Variants in PPIL6 observed in about 807,000 individuals in gnomAD.
PPIL6 encodes probable inactive peptidyl-prolyl cis-trans isomerase-like 6.
PPIL6 carries 39 observed loss-of-function variants against 36.8 expected under a neutral mutation model. That is an observed-to-expected ratio of 1.06 (90% CI 0.82 to 1.38). The LOEUF is 1.38. PPIL6 is among the 40% of genes most tolerant of loss of function. The probability of loss-of-function intolerance (pLI) is 0.00; values close to 1 mark genes in which losing one functional copy is unlikely to be tolerated. For synonymous variants in PPIL6, 123 were observed against 134.1 expected (o/e 0.92, Z 0.57); for missense variants, 368 against 379.1 (o/e 0.97, Z 0.24).
chr6:109,394,333 A>G (rs897182963), intron 7 of PPIL6, among the ~76,000 whole-genome samples: 10 of 143,810 alleles, frequency 7.0e-5, no homozygotes, highest in African/African-American at 2.4e-4. Context: ...AGTTTGCACC[A>G]CTGCACTCAG....
intron 6 of PPIL6, among the ~76,000 whole-genome samples, chr6:109,416,997 A>T (rs933244852): frequency 1.3e-5 from 2 of 151,134 alleles, no homozygotes; most frequent in South Asian, 4.2e-4. Flanking sequence ...GCAAGACCCC[A>T]TCTCTACAAA....
chr6:109,412,180 G>T (rs1437735996), intron 6 of PPIL6, among the ~76,000 whole-genome samples: 1 of 152,144 alleles, frequency 6.6e-6, no homozygotes, highest in South Asian at 2.1e-4. Context: ...TGCATAAACT[G>T]CCCCTTAATC....
chr6:109,396,268 T>G (rs930160755), intron 7 of PPIL6, among the ~76,000 whole-genome samples: 1 of 152,176 alleles, frequency 6.6e-6, no homozygotes, highest in Non-Finnish European at 1.5e-5. Flanking sequence ...TCCTCACTTC[T>G]GCTAAAGAGA....
At chr6:109,408,610 T>G (rs1157840393) in intron 6 of PPIL6, among the ~76,000 whole-genome samples, 1 of 152,198 alleles carries the variant, frequency 6.6e-6, no homozygotes, top group Admixed American at 6.5e-5. Flanking sequence ...TTTGATGCTG[T>G]ATAACCACCA....
intron 5 of PPIL6, among the ~76,000 whole-genome samples, chr6:109,424,847 A>C (rs1296092953): frequency 6.6e-6 from 1 of 152,196 alleles, no homozygotes; most frequent in Non-Finnish European, 1.5e-5. Context: ...TGAAAAAGGG[A>C]AGCATGAATT....
intron 3 of PPIL6, among the ~76,000 whole-genome samples, chr6:109,428,516 G>A (rs1232812960): frequency 6.8e-6 from 1 of 146,142 alleles, no homozygotes; most frequent in Non-Finnish European, 1.5e-5. Flanking sequence ...TTGTGCCACT[G>A]CACTACAGCC....
Position 109,399,052 on chromosome 6 carries a change from A to G in PPIL6, c.824+983T>C, listed in dbSNP as rs553705994. On this transcript the variant is annotated intron_variant, in intron 7 of 7. Coordinates refer to ENST00000521072, the MANE Select transcript of PPIL6 (RefSeq NM_173672.5). ...GCAATCCTCCCACCGAAACTTCTTCAGTAGCTGGGACTACAGGCACACACC... is the reference window on the plus strand; with the variant it reads ...GCAATCCTCCCACCGAAACTTCTTCGGTAGCTGGGACTACAGGCACACACC... Among the ~76,000 whole-genome samples, 178 of 151,594 alleles carry G rather than the reference A, an allele frequency of 1.2e-3. 2 individuals carry two copies. Among genetic ancestry groups the G allele is most frequent in the Middle Eastern group, 3.5e-3 (1 of 288 alleles).
intron 6 of PPIL6, among the ~76,000 whole-genome samples, chr6:109,407,422 G>A (rs925975777): frequency 6.6e-6 from 1 of 152,012 alleles, no homozygotes; most frequent in African/African-American, 2.4e-5. Context: ...TGTATTTTTA[G>A]TATAGACGGG....
intron 7 of PPIL6, among the ~76,000 whole-genome samples, chr6:109,396,390 A>G (rs1363013314): frequency 6.6e-6 from 1 of 152,080 alleles, no homozygotes; most frequent in East Asian, 1.9e-4. Context: ...CCCGCAGTCC[A>G]TTGGGAGTTG....
At chr6:109,420,807 A>G (rs533514693) in intron 5 of PPIL6, among the ~76,000 whole-genome samples, 2 of 152,362 alleles carry the variant, frequency 1.3e-5, no homozygotes, top group South Asian at 4.1e-4. Flanking sequence ...AAGAAAACTG[A>G]TGCAGCACCA....
chr6:109,413,508 G>A lies in PPIL6; in HGVS notation c.688+5679C>T, dbSNP rs1773106595. On this transcript the variant is annotated intron_variant, in intron 6 of 7. Coordinates refer to ENST00000521072, the MANE Select transcript of PPIL6 (RefSeq NM_173672.5). This position sits in a 1 kb window ranked among gnomAD's most constrained non-coding sequence, Gnocchi z 4.6. The stretch of plus-strand genomic sequence containing the variant: ...AAAAAGGGACCCTTGTACACTGTTG[G>A]TGGGAATGTAAACTAATGTGCAACC... 6.6e-6 allele frequency among the ~76,000 whole-genome samples: 1 copy of A among 152,212 alleles called. No homozygotes were observed. Among genetic ancestry groups the A allele is most frequent in the African/African-American group, 2.4e-5 (1 of 41,442 alleles).
intron 7 of PPIL6, among the ~76,000 whole-genome samples, chr6:109,399,372 G>A (rs1210026235): frequency 6.6e-6 from 1 of 151,340 alleles, no homozygotes; most frequent in African/African-American, 2.4e-5. Flanking sequence ...GCCTCCCAAA[G>A]TGCTGGGATT....
At chr6:109,416,960 G>A (rs564400725) in intron 6 of PPIL6, among the ~76,000 whole-genome samples, 5 of 152,136 alleles carry the variant, frequency 3.3e-5, no homozygotes, top group African/African-American at 1.2e-4. Flanking sequence ...TTGAGCCCAG[G>A]AGTTGGAGAC....
At position 109,395,764 on chromosome 6, in the gene PPIL6, G is replaced by A. The variant is rs187142383; in HGVS notation, c.825-2827C>T. 2.4e-3 allele frequency among the ~76,000 whole-genome samples: 362 copies of A among 151,434 alleles called. 1 individual carries two copies. Among genetic ancestry groups the A allele is most frequent in the African/African-American group, 8.0e-3 (330 of 41,308 alleles). On this transcript the variant is annotated intron_variant, in intron 7 of 7. Coordinates refer to ENST00000521072, the MANE Select transcript of PPIL6 (RefSeq NM_173672.5). The stretch of plus-strand genomic sequence containing the variant: ...GGATTACAGGCATCTGCCACCATGC[G>A]TGGCTAACTTTTTGTATTTTTAGTA...
intron 6 of PPIL6, among the ~76,000 whole-genome samples, chr6:109,404,072 C>A (rs568021504): frequency 2.0e-5 from 3 of 152,148 alleles, no homozygotes; most frequent in Admixed American, 6.5e-5. Context: ...CCAGACCAAC[C>A]GAATAATAAA....
intron 7 of PPIL6, among the ~76,000 whole-genome samples, chr6:109,394,490 A>C (rs989110048): frequency 1.8e-4 from 27 of 152,144 alleles, no homozygotes; most frequent in African/African-American, 6.5e-4. Flanking sequence ...CAATTAAAAA[A>C]GGGCAGAGAG....
intron 6 of PPIL6, among the ~76,000 whole-genome samples, chr6:109,408,760 C>T (rs1772896127): frequency 1.3e-5 from 2 of 152,168 alleles, no homozygotes; most frequent in South Asian, 4.1e-4. Context: ...TAAATCTCCT[C>T]TTTCTTTAAT....
chr6:109,392,847 G>A lies in PPIL6; in HGVS notation c.915C>T (p.Asp305=), dbSNP rs1207435659. The A allele has an allele frequency of 6.4e-7, 1 of 1,573,218 alleles. No individual in the cohort carries two copies. Among genetic ancestry groups the A allele is most frequent in the Non-Finnish European group, 8.7e-7 (1 of 1,148,898 alleles). ...ERPIHMCRIT[D]SGDPYA is the part of the protein sequence containing the mutation. The stretch of plus-strand genomic sequence containing the variant: ...AAAATCAAGCATAAGGATCTCCACT[G>A]TCAGTAATTCTACACATATGTATTG... The change falls in exon 8 of 8, where the codon GAC becomes GAT. Residue 305 remains aspartate (D), a synonymous_variant. Transcript: ENST00000521072.
chr6:109,436,041 A>AT, intron 2 of PPIL6, 63 bp downstream of exon 2: 1 of 872,750 alleles, frequency 1.1e-6, no homozygotes, highest in Non-Finnish European at 1.9e-6. Flanking sequence ...AAAACAATGC[A>AT]TAAATAATTC....
Sources: allele counts gnomAD v4.1 joint callset (sites outside exome capture counted in the v4.1 genomes callset), GRCh38; gene constraint gnomAD v4.1.1; non-coding constraint Gnocchi (gnomAD v3.1); transcripts MANE v1.5; gene names NCBI Gene and HGNC (gene_info 2026-07-23, HGNC 2026-07-21).